Variants in MAMDC2 observed in about 807,000 individuals in gnomAD.
The protein encoded by MAMDC2 is MAM domain containing 2.
MAMDC2 carries 57 observed loss-of-function variants against 89.8 expected under a neutral mutation model. The observed-to-expected ratio is 0.63, with a 90% CI of 0.51 to 0.79. MAMDC2 has a LOEUF of 0.79. Among genes scored for constraint, MAMDC2 ranks in the 30% least tolerant of loss-of-function variants. The probability of loss-of-function intolerance (pLI) is 0.00; values close to 1 mark genes in which losing one functional copy is unlikely to be tolerated. For synonymous variants in MAMDC2, 313 were observed against 293.4 expected, an observed-to-expected ratio of 1.07 and a Z score of -0.68; for missense variants, 800 against 820.6, an observed-to-expected ratio of 0.97 and a Z score of 0.31.
At position 70,143,720 on chromosome 9, in the gene MAMDC2, G is replaced by A; in HGVS notation, c.1305G>A (p.Glu435=). The A allele has an allele frequency of 6.2e-7, 1 of 1,614,174 alleles. No individual in the cohort carries two copies. Among genetic ancestry groups the A allele is most frequent in the African/African-American group, 1.3e-5 (1 of 75,044 alleles). The change falls in exon 9 of 14, where the codon GAG becomes GAA. Residue 435 remains glutamate (E), a synonymous_variant. Coordinates refer to ENST00000377182, the MANE Select transcript of MAMDC2 (RefSeq NM_153267.5). ...SDTLAVYIFE[E]NHVVQEKIWS... ...CCCTAGCAGTTTACATCTTTGAAGAGAACCATGTGGTTCAAGAGAAGATCT... is the reference window on the plus strand; with the variant it reads ...CCCTAGCAGTTTACATCTTTGAAGAAAACCATGTGGTTCAAGAGAAGATCT...
chr9:70,076,763 G>C (rs909237745), intron 2 of MAMDC2, among the ~76,000 whole-genome samples: 2 of 152,142 alleles, frequency 1.3e-5, no homozygotes, highest in African/African-American at 4.8e-5. Flanking sequence ...GTACTCTAGA[G>C]AATGCTTATA....
chr9:70,174,586 T>G (rs2032440851), intron 11 of MAMDC2, among the ~76,000 whole-genome samples: 1 of 152,070 alleles, frequency 6.6e-6, no homozygotes, highest in Non-Finnish European at 1.5e-5. Flanking sequence ...GAAAGCATGC[T>G]CAGTGTGTCC....
intron 11 of MAMDC2, among the ~76,000 whole-genome samples, chr9:70,201,273 A>C (rs2033095195): frequency 1.3e-4 from 1 of 7,522 alleles, no homozygotes; most frequent in Non-Finnish European, 2.1e-4. Flanking sequence ...GGGTTGTTGA[A>C]TCTTGTCAAA....
intron 11 of MAMDC2, among the ~76,000 whole-genome samples, chr9:70,193,355 G>C (rs776841525): frequency 3.9e-5 from 6 of 151,982 alleles, no homozygotes; most frequent in Non-Finnish European, 8.8e-5. Flanking sequence ...CATAGATCTG[G>C]AGGTAGATCG....
intron 11 of MAMDC2, 123 bp from the exon 12 acceptor site, chr9:70,218,214 A>C: frequency 1.0e-5 from 11 of 1,070,570 alleles, no homozygotes; most frequent in Non-Finnish European, 1.4e-5. Context: ...TCAAAATTAT[A>C]AAACCCTTTA....
intron 11 of MAMDC2, among the ~76,000 whole-genome samples, chr9:70,206,062 T>C (rs1487344213): frequency 6.6e-6 from 1 of 152,222 alleles, no homozygotes; most frequent in Non-Finnish European, 1.5e-5. Flanking sequence ...GTAAGTTTGT[T>C]AAAATTATGT....
chr9:70,211,382 T>G (rs1296318790), intron 11 of MAMDC2, among the ~76,000 whole-genome samples: 1 of 152,232 alleles, frequency 6.6e-6, no homozygotes, highest in Non-Finnish European at 1.5e-5. Context: ...AATTTGATCT[T>G]CAATCACTGA....
intron 2 of MAMDC2, among the ~76,000 whole-genome samples, chr9:70,084,308 A>G (rs2118148529): frequency 6.6e-6 from 1 of 152,204 alleles, no homozygotes; most frequent in Admixed American, 6.5e-5. Flanking sequence ...GCTCTCACTC[A>G]AGGTGACCTG....
At chr9:70,130,546 T>C (rs2030760792) in intron 6 of MAMDC2, among the ~76,000 whole-genome samples, 1 of 152,164 alleles carries the variant, frequency 6.6e-6, no homozygotes, top group South Asian at 2.1e-4. Context: ...AGAAGGTGGT[T>C]GACTGAGCTC....
chr9:70,126,395 A>G lies in MAMDC2; in HGVS notation c.880A>G (p.Ser294Gly), dbSNP rs200982283. ...CTGGAACCTTGCGGAGGTCGAGTTCAGTGCTCCTTACCCCATGGAGGTAGG... is the reference window on the plus strand; with the variant it reads ...CTGGAACCTTGCGGAGGTCGAGTTCGGTGCTCCTTACCCCATGGAGGTAGG... ...AAWNLAEVEF[S>G]APYPMEVIFE... Residue 294 changes from serine (S) to glycine (G), a missense_variant, in exon 6 of 14, where the codon AGT (serine) becomes GGT (glycine). Physicochemically the swap from Ser to Gly is moderately conservative, Grantham distance 56. Coordinates refer to ENST00000377182, the MANE Select transcript of MAMDC2 (RefSeq NM_153267.5). 12 of 1,613,756 alleles carry G rather than the reference A, an allele frequency of 7.4e-6. No individual in the cohort carries two copies. Among genetic ancestry groups the G allele is most frequent in the Non-Finnish European group, 8.5e-7 (1 of 1,179,970 alleles).
In MAMDC2 at chr9:70,113,049, A is replaced by T; in HGVS notation, c.560A>T (p.Asn187Ile). Residue 187 changes from asparagine to isoleucine, a missense_variant, in exon 5 of 14, where the codon AAT (asparagine) becomes ATT (isoleucine). By Grantham distance (149) the Asn-to-Ile change is moderately radical. Transcript: ENST00000377182. ...GGCTTTGTGAACCGCTGGAATCCCA[A>T]TGTGAACTGGTTTGTTGGAGGAGGA... is the stretch of plus-strand genomic sequence containing the variant. ...LCGFVNRWNP[N>I]VNWFVGGGSI... 6.2e-7 allele frequency: 1 copy of T among 1,614,140 alleles called. No individual in the cohort carries two copies.
chr9:70,202,973 G>A lies in MAMDC2; in HGVS notation c.1652-15364G>A, dbSNP rs1389444074. 1.3e-5 allele frequency among the ~76,000 whole-genome samples: 2 copies of A among 151,836 alleles called. 1 individual carries two copies. Among genetic ancestry groups the A allele is most frequent in the East Asian group, 3.9e-4 (2 of 5,162 alleles). On this transcript the variant is annotated intron_variant, in intron 11 of 13. Coordinates refer to ENST00000377182, the MANE Select transcript of MAMDC2 (RefSeq NM_153267.5). ...TCTCTGCACGTGAGATGGGTTTCCT[G>A]AATACAGCACACTGATGGATCTTGA... is the stretch of plus-strand genomic sequence containing the variant.
At chr9:70,108,511 G>C (rs1032405407) in intron 3 of MAMDC2, 29 bp downstream of exon 3, 14 of 1,538,896 alleles carry the variant, frequency 9.1e-6, no homozygotes, top group Non-Finnish European at 1.2e-5. Context: ...AAAGATATAA[G>C]GCCTATTATC....
chr9:70,188,491 G>A (rs12342108), intron 11 of MAMDC2: 1 of 151,084 alleles, frequency 6.6e-6, no homozygotes, highest in Non-Finnish European at 1.5e-5. Flanking sequence ...TATTTTCTTA[G>A]TGGTTGCCCT....
At chr9:70,170,759 T>A in intron 11 of MAMDC2, 128 bp downstream of exon 11, 1 of 823,330 alleles carries the variant, frequency 1.2e-6, no homozygotes, top group Non-Finnish European at 1.8e-6. Flanking sequence ...CTTGTGATTC[T>A]ACACACACAG....
Position 70,225,751 on chromosome 9 carries a change from T to A in MAMDC2, c.1913T>A (p.Ile638Lys). 1 of 1,576,014 alleles carries A rather than the reference T, an allele frequency of 6.3e-7. No homozygotes were observed. Among genetic ancestry groups the A allele is most frequent in the South Asian group, 1.1e-5 (1 of 90,204 alleles). ...IEYSCERQHQ[I>K]IFEAIRGVSI... ...AATTCAAACATATTATTCTTTCAGATAATTTTTGAAGCCATTCGAGGAGTA... is the reference window on the plus strand; with the variant it reads ...AATTCAAACATATTATTCTTTCAGAAAATTTTTGAAGCCATTCGAGGAGTA... The change falls in exon 13 of 14, where the codon ATA (isoleucine) becomes AAA (lysine). Residue 638 changes from isoleucine to lysine, a missense_variant and splice_region_variant. Physicochemically the swap from Ile to Lys is moderately radical, Grantham distance 102 (BLOSUM62 -3). Coordinates refer to ENST00000377182, the MANE Select transcript of MAMDC2 (RefSeq NM_153267.5).
At chr9:70,133,758 A>C (rs935517132) in intron 7 of MAMDC2, among the ~76,000 whole-genome samples, 1 of 152,206 alleles carries the variant, frequency 6.6e-6, no homozygotes, top group African/African-American at 2.4e-5. Flanking sequence ...ATGTCTGTGA[A>C]GGCCTTAGCA....
At chr9:70,073,250 TG>T (rs1372607874) in intron 2 of MAMDC2, among the ~76,000 whole-genome samples, 1 of 152,220 alleles carries the variant, frequency 6.6e-6, no homozygotes, top group African/African-American at 2.4e-5. Flanking sequence ...TGAAAATACG[TG>T]GTTTAAAAGG....
rs1456857180 is a variant in MAMDC2 at position 70,126,312 on chromosome 9, G to A, written c.797G>A (p.Arg266Gln). ...GACAATGTCTTTTCCCTTTACACTC[G>A]GGATGTGGCTGGCCTTTACGAGGAA... Reference protein sequence around the residue: ...GNDNVFSLYTRDVAGLYEEIW... With the variant: ...GNDNVFSLYTQDVAGLYEEIW... Residue 266 changes from arginine (R) to glutamine (Q), a missense_variant, in exon 6 of 14, where the codon CGG becomes CAG. Transcript: ENST00000377182. The A allele has an allele frequency of 4.3e-6, 7 of 1,614,120 alleles. No individual in the cohort carries two copies. The highest frequency in any genetic ancestry group is 1.1e-5 in the South Asian group (1 of 91,074).
Sources: gnomAD v4.1 joint callset for allele counts (sites outside exome capture counted in the v4.1 genomes callset) on GRCh38, gnomAD v4.1.1 for gene constraint, MANE v1.5 for transcripts, NCBI Gene and HGNC (gene_info 2026-07-23, HGNC 2026-07-21) for gene names.